Variants in RNF34 observed in about 807,000 individuals in gnomAD.
The protein encoded by RNF34 is E3 ubiquitin-protein ligase RNF34.
Under a neutral mutation model 37.9 loss-of-function variants are expected in RNF34, and 12 were observed. The ratio of observed to expected loss-of-function variants is 0.32; its 90% CI spans 0.20 to 0.51. The LOEUF is 0.51. Among genes scored for constraint, RNF34 ranks in the 20% least tolerant of loss-of-function variants. The pLI, the probability that RNF34 is intolerant of heterozygous loss-of-function variation, is 0.97. For missense variants in RNF34, 362 were observed against 472.7 expected (o/e 0.77, Z 2.17); for synonymous variants, 155 against 177.2 (o/e 0.87, Z 1.00).
chr12:121,402,632 G>A, intron 1 of RNF34: 1 of 596,130 alleles, frequency 1.7e-6, no homozygotes, highest in Non-Finnish European at 2.9e-6. Context: ...TATTTATATT[G>A]ATCTCACCAT....
chr12:121,406,153 A>G (rs1555280653), intron 1 of RNF34, among the ~76,000 whole-genome samples: 3 of 152,088 alleles, frequency 2.0e-5, no homozygotes, highest in Non-Finnish European at 4.4e-5. Flanking sequence ...GGCTCCCTAA[A>G]ATCTTGGTGC....
chr12:121,401,651 A>G (rs1469238301), intron 1 of RNF34, among the ~76,000 whole-genome samples: 2 of 152,208 alleles, frequency 1.3e-5, no homozygotes, highest in African/African-American at 4.8e-5. Context: ...AAGAATCAGT[A>G]TCTTTATTAA....
rs1338459542 is a variant in RNF34 at position 121,424,331 on chromosome 12, A to G, written c.*755A>G. 1.3e-5 allele frequency: 2 copies of G among 152,718 alleles called. No homozygotes were observed. Among genetic ancestry groups the G allele is most frequent in the Non-Finnish European group, 2.9e-5 (2 of 68,060 alleles). The allele number at this position is 152,718 out of a possible 1,614,324, so 9.5% of individuals were successfully genotyped here. A position where few individuals can be genotyped will look rare whatever the true frequency, so the allele number is the denominator to read the frequency against. On this transcript the variant is annotated 3_prime_UTR_variant, in exon 6 of 6. Transcript: ENST00000361234. ...GCTAGCTGATTTTAACTTTAGGAATAAAATTAGTTTTAAAAGCTTTTGTTT... is the reference window on the plus strand; with the variant it reads ...GCTAGCTGATTTTAACTTTAGGAATGAAATTAGTTTTAAAAGCTTTTGTTT...
chr12:121,409,140 C>T (rs962461978), intron 1 of RNF34, among the ~76,000 whole-genome samples: 4 of 152,002 alleles, frequency 2.6e-5, no homozygotes, highest in African/African-American at 4.8e-5. Flanking sequence ...CCACCATGCC[C>T]GGCTAATTTT....
rs1336930653 is a variant in RNF34, at chr12:121,423,394, C to T, written c.937C>T (p.Arg313Trp). ...NEENQKSYGE[R>W]LQLQDEEDDS... ...TCTCTGTTGCCTTTCAGATGGCGAG[C>T]GGCTGCAGCTGCAGGATGAGGAAGA... The change falls in exon 6 of 6, where the codon CGG becomes TGG. Residue 313 changes from arginine to tryptophan, a missense_variant. Coordinates refer to ENST00000361234, the MANE Select transcript of RNF34 (RefSeq NM_025126.4). The surrounding 1 kb of genome is among the most constrained non-coding windows in gnomAD (Gnocchi z 4.3). 17 of 1,603,390 alleles carry T rather than the reference C, an allele frequency of 1.1e-5. No homozygotes were observed. Among genetic ancestry groups the T allele is most frequent in the Admixed American group, 5.1e-5 (3 of 59,102 alleles).
chr12:121,404,064 G>A (rs1306349861), intron 1 of RNF34, among the ~76,000 whole-genome samples: 1 of 151,388 alleles, frequency 6.6e-6, no homozygotes, highest in Non-Finnish European at 1.5e-5. Context: ...CGCCAGGCTG[G>A]AGTGCAGTGG....
At position 121,417,874 on chromosome 12, in the gene RNF34, A is replaced by T; in HGVS notation, c.596A>T (p.Asp199Val). The change falls in exon 3 of 6, where the codon GAT (aspartate) becomes GTT (valine). Residue 199 changes from aspartate to valine, a missense_variant. Coordinates refer to ENST00000361234, the MANE Select transcript of RNF34 (RefSeq NM_025126.4). This position sits in a 1 kb window ranked among gnomAD's most constrained non-coding sequence, Gnocchi z 5.0. Reference sequence around the variant, plus strand: ...TCTTCGTTTCAGGGAGAGCTTATGGATGGAGACCAAACATCCAGATCTGGA... The same window carrying T: ...TCTTCGTTTCAGGGAGAGCTTATGGTTGGAGACCAAACATCCAGATCTGGA... Reference protein sequence around the residue: ...TMSSFQGELMDGDQTSRSGVP... With the variant: ...TMSSFQGELMVGDQTSRSGVP... The T allele has an allele frequency of 6.2e-7, 1 of 1,614,046 alleles. No homozygotes were observed. Among genetic ancestry groups the T allele is most frequent in the African/African-American group, 1.3e-5 (1 of 74,980 alleles).
chr12:121,404,387 CTTTTTTTTTTTTT>C (rs782225104), intron 1 of RNF34, among the ~76,000 whole-genome samples: 9 of 65,824 alleles, frequency 1.4e-4, no homozygotes, highest in Admixed American at 8.2e-4. Flanking sequence ...GTCATTTAAT[CTTTTTTTTTTTTT>C]TTTTTTTTTT....
In RNF34 at chr12:121,423,301, G is replaced by A; in HGVS notation, c.929-85G>A. The A allele has an allele frequency of 1.9e-6, 2 of 1,066,064 alleles. No homozygotes were observed. Among genetic ancestry groups the A allele is most frequent in the South Asian group, 3.1e-5 (2 of 63,930 alleles). 66.0% of individuals were successfully genotyped at this position (1,066,064 alleles called of 1,614,324 possible). A position where few individuals can be genotyped will look rare whatever the true frequency, so the allele number is the denominator to read the frequency against. On this transcript the variant is annotated intron_variant, in intron 5 of 5. Coordinates refer to ENST00000361234, the MANE Select transcript of RNF34 (RefSeq NM_025126.4). This position sits in a 1 kb window ranked among gnomAD's most constrained non-coding sequence, Gnocchi z 4.3. ...TGGGCCTGCAGGGGTCATTCAGCAG[G>A]TGGCTGCTCAGCTTCGGACTGGGAG...
chr12:121,402,254 A>G (rs145004602), intron 1 of RNF34, among the ~76,000 whole-genome samples: 1,719 of 152,282 alleles, frequency 0.011, 35 homozygotes, highest in African/African-American at 0.039. Flanking sequence ...CTTGGCCAAC[A>G]TAGCAAAACC....
rs1871645587 is a variant in RNF34 at position 121,417,086 on chromosome 12, G to C, written c.226-418G>C. On this transcript the variant is annotated intron_variant, in intron 2 of 5. Coordinates refer to ENST00000361234, the MANE Select transcript of RNF34 (RefSeq NM_025126.4). The surrounding 1 kb of genome is among the most constrained non-coding windows in gnomAD (Gnocchi z 5.0). The stretch of plus-strand genomic sequence containing the variant: ...TTGGATTCACCTTGAGAGATCAGTT[G>C]CCTTTCTCTTTCCCTGTCAGTCTGT... Among the ~76,000 whole-genome samples the C allele has an allele frequency of 6.6e-6, 1 of 152,168 alleles. No homozygotes were observed. The highest frequency in any genetic ancestry group is 1.5e-5 in the Non-Finnish European group (1 of 68,030).
chr12:121,415,053 G>A (rs1389863173), intron 1 of RNF34, among the ~76,000 whole-genome samples: 5 of 151,940 alleles, frequency 3.3e-5, no homozygotes, highest in African/African-American at 9.7e-5. Flanking sequence ...CCGAGATCAC[G>A]CCATTACACT....
At chr12:121,411,085 C>T (rs189301389) in intron 1 of RNF34, among the ~76,000 whole-genome samples, 79 of 152,204 alleles carry the variant, frequency 5.2e-4, no homozygotes, top group Non-Finnish European at 9.4e-4. Context: ...AGGCACATGC[C>T]ACCACACCTG....
In RNF34 at chr12:121,420,613, CTGTCTGACT is replaced by C. The variant is rs1872044614; in HGVS notation, c.768_776del (p.Asp257_Ser259del). 2 of 1,614,172 alleles carry C rather than the reference CTGTCTGACT, an allele frequency of 1.2e-6. No individual in the cohort carries two copies. Among genetic ancestry groups the C allele is most frequent in the Non-Finnish European group, 1.7e-6 (2 of 1,180,020 alleles). ...CTCCAAGGAGAGAGTGAGAGCTTCA[CTGTCTGACT>C]TGTCAAGCCTTGATGATGTGGAAGG... On this transcript the variant is annotated inframe_deletion, in exon 5 of 6. Transcript: ENST00000361234.
Position 121,423,472 on chromosome 12 carries a change from G to C in RNF34, c.1015G>C (p.Glu339Gln). 6.2e-7 allele frequency: 1 copy of C among 1,613,824 alleles called. No individual in the cohort carries two copies. Among genetic ancestry groups the C allele is most frequent in the Non-Finnish European group, 8.5e-7 (1 of 1,179,792 alleles). ...MDAVIDCVLL[E>Q]CGHMVTCTKC... ...TGCCGTCATCGACTGTGTCCTACTG[G>C]AGTGTGGGCACATGGTTACCTGCAC... Residue 339 changes from glutamate to glutamine, a missense_variant, in exon 6 of 6, where the codon GAG (glutamate) becomes CAG (glutamine). By Grantham distance (29) the Glu-to-Gln change is conservative. Coordinates refer to ENST00000361234, the MANE Select transcript of RNF34 (RefSeq NM_025126.4). This position sits in a 1 kb window ranked among gnomAD's most constrained non-coding sequence, Gnocchi z 4.3.
chr12:121,402,084 G>A (rs1555280089), intron 1 of RNF34, among the ~76,000 whole-genome samples: 1 of 152,200 alleles, frequency 6.6e-6, no homozygotes, highest in Non-Finnish European at 1.5e-5. Context: ...ATGCTAACAT[G>A]TGAATGTTCA....
At chr12:121,421,371 T>TAAAAAAAAAA (rs11398833) in intron 5 of RNF34, among the ~76,000 whole-genome samples, 2 of 46,368 alleles carry the variant, frequency 4.3e-5, no homozygotes, top group Non-Finnish European at 8.8e-5. Flanking sequence ...ATCCCATCTC[T>TAAAAAAAAAA]AAAAAAAAAA....
At chr12:121,419,977 T>C (rs538989285) in intron 3 of RNF34, 5 of 337,276 alleles carry the variant, frequency 1.5e-5, no homozygotes, top group Non-Finnish European at 2.9e-5. Context: ...TTATGGGACC[T>C]TCCTGAGAGA....
chr12:121,400,343 G>A (rs1243289140), intron 1 of RNF34, 125 bp downstream of exon 1: 2 of 1,204,106 alleles, frequency 1.7e-6, no homozygotes, highest in East Asian at 2.8e-5. Context: ...CTGCGCTGAG[G>A]GGGGTCGCTT....
Sources: allele counts gnomAD v4.1 joint callset (sites outside exome capture counted in the v4.1 genomes callset), GRCh38; gene constraint gnomAD v4.1.1; non-coding constraint Gnocchi (gnomAD v3.1); transcripts MANE v1.5; gene names NCBI Gene and HGNC (gene_info 2026-07-23, HGNC 2026-07-21).